SLC2A9: variants seen among roughly 807,000 people sequenced by gnomAD.
SLC2A9 encodes solute carrier family 2 member 9, also known as solute carrier family 2, facilitated glucose transporter member 9.
Under a neutral mutation model 50.6 loss-of-function variants are expected in SLC2A9, and 39 were observed. That is an observed-to-expected ratio of 0.77 (90% CI 0.60 to 1.01). The LOEUF (loss-of-function observed/expected upper bound fraction) is 1.01. Among genes scored for constraint, SLC2A9 ranks in the 50% least tolerant of loss-of-function variants. SLC2A9 has a pLI of 0.00. For synonymous variants in SLC2A9, 324 were observed against 276.9 expected, an observed-to-expected ratio of 1.17 and a Z score of -1.69; for missense variants, 686 against 677.6, an observed-to-expected ratio of 1.01 and a Z score of -0.14.
chr4:9,879,902 G>A, intron 10 of SLC2A9: 1 of 985,422 alleles, frequency 1.0e-6, no homozygotes. Context: ...GCAGGAAACT[G>A]CCTCTCTTGT....
chr4:9,933,009 G>A (rs909861602), intron 6 of SLC2A9, among the ~76,000 whole-genome samples: 3 of 152,198 alleles, frequency 2.0e-5, no homozygotes, highest in Admixed American at 6.5e-5. Context: ...CATCAGCCAC[G>A]TTAACGAGAG....
At chr4:9,839,670 T>A (rs1341896563) in intron 10 of SLC2A9, among the ~76,000 whole-genome samples, 1 of 152,186 alleles carries the variant, frequency 6.6e-6, no homozygotes, top group African/African-American at 2.4e-5. Flanking sequence ...GATCATGTCC[T>A]TTGCAGGGAC....
chr4:9,999,350 G>C (rs1340619410), intron 2 of SLC2A9, among the ~76,000 whole-genome samples: 1 of 152,126 alleles, frequency 6.6e-6, no homozygotes, highest in Non-Finnish European at 1.5e-5. Context: ...CCTGGATTGT[G>C]ACATGAGTGT....
chr4:9,893,310 G>A (rs1347415820), intron 8 of SLC2A9, among the ~76,000 whole-genome samples: 1 of 152,070 alleles, frequency 6.6e-6, no homozygotes. Context: ...CCCAGAGCCT[G>A]GAAGAATACC....
chr4:9,981,141 GT>G (rs1216002988), intron 4 of SLC2A9, among the ~76,000 whole-genome samples: 1 of 65,822 alleles, frequency 1.5e-5, no homozygotes, highest in East Asian at 4.8e-4. Flanking sequence ...GATGGCGATG[GT>G]GACGGTGATG....
chr4:9,822,368 T>C (rs1239449125), downstream of SLC2A9, among the ~76,000 whole-genome samples: 2 of 152,160 alleles, frequency 1.3e-5, no homozygotes, highest in African/African-American at 4.8e-5. Context: ...TTTTCTAGTT[T>C]CTTAAGGTGA....
intron 3 of SLC2A9, among the ~76,000 whole-genome samples, chr4:9,800,440 T>A (rs1462146412): frequency 6.6e-6 from 1 of 152,224 alleles, no homozygotes; most frequent in Non-Finnish European, 1.5e-5. Context: ...CAGGCATGTA[T>A]AGAAGATGAT....
upstream of SLC2A9, among the ~76,000 whole-genome samples, chr4:10,023,093 A>G (rs78377873): frequency 4.0e-3 from 604 of 152,356 alleles, 5 homozygotes; most frequent in African/African-American, 0.014. Flanking sequence ...TCCCCAGGAC[A>G]GTGTGGAGGA....
intron 5 of SLC2A9, among the ~76,000 whole-genome samples, chr4:9,975,019 C>A (rs1754555244): frequency 6.6e-6 from 1 of 152,122 alleles, no homozygotes; most frequent in African/African-American, 2.4e-5. Flanking sequence ...ACTTCCTATT[C>A]AATAAATGGT....
At chr4:9,980,956 C>A (rs1755647944) in intron 4 of SLC2A9, among the ~76,000 whole-genome samples, 1 of 151,806 alleles carries the variant, frequency 6.6e-6, no homozygotes, top group African/African-American at 2.4e-5. Flanking sequence ...GAGGACAGGA[C>A]ACAGCTGATG....
At chr4:9,871,505 G>A (rs1332696070) in intron 10 of SLC2A9, among the ~76,000 whole-genome samples, 1 of 152,156 alleles carries the variant, frequency 6.6e-6, no homozygotes, top group Non-Finnish European at 1.5e-5. Flanking sequence ...GATTCTAGAT[G>A]CATCGCTCGC....
intron 10 of SLC2A9, among the ~76,000 whole-genome samples, chr4:9,856,513 G>A (rs1027587893): frequency 6.6e-6 from 1 of 152,152 alleles, no homozygotes; most frequent in Non-Finnish European, 1.5e-5. Flanking sequence ...ATATACTGTT[G>A]GTGGGAATGT....
At chr4:9,782,478 G>T in intron 3 of SLC2A9, 2 of 1,613,946 alleles carry the variant, frequency 1.2e-6, no homozygotes, top group Non-Finnish European at 1.7e-6. Context: ...CGCTACAAGC[G>T]CAAGATGACT....
chr4:10,036,092 TC>T, intron 1 of SLC2A9: 1 of 187,802 alleles, frequency 5.3e-6, no homozygotes, highest in Non-Finnish European at 1.0e-5. Flanking sequence ...CCATAATAAA[TC>T]CCATCCATCC....
At chr4:9,908,398 C>G in intron 7 of SLC2A9, 53 bp from the exon 8 acceptor site, 4 of 1,318,434 alleles carry the variant, frequency 3.0e-6, no homozygotes, top group Non-Finnish European at 4.4e-6. Flanking sequence ...AGGACTTAAT[C>G]TATTTTCTAA....
chr4:9,800,009 C>T (rs1393951297), intron 3 of SLC2A9, among the ~76,000 whole-genome samples: 2 of 152,180 alleles, frequency 1.3e-5, no homozygotes, highest in Non-Finnish European at 2.9e-5. Flanking sequence ...ACATTAGTAA[C>T]ATCCCTTGGT....
chr4:9,798,070 T>G (rs1229892974), downstream of SLC2A9, among the ~76,000 whole-genome samples: 1 of 152,144 alleles, frequency 6.6e-6, no homozygotes, highest in Non-Finnish European at 1.5e-5. Context: ...TTATTTTTTA[T>G]TTTTGTCCCT....
chr4:10,017,610 T>C (rs958805648), intron 2 of SLC2A9, among the ~76,000 whole-genome samples: 1 of 152,234 alleles, frequency 6.6e-6, no homozygotes, highest in African/African-American at 2.4e-5. Flanking sequence ...CCAGGGCTCA[T>C]GGGAACCTTT....
chr4:9,790,671 T>G (rs1454080669), intron 3 of SLC2A9, among the ~76,000 whole-genome samples: 4 of 152,214 alleles, frequency 2.6e-5, no homozygotes, highest in Non-Finnish European at 4.4e-5. Flanking sequence ...TAAACCTGTC[T>G]GTCCTAGAAC....
Sources: allele counts gnomAD v4.1 joint callset (sites outside exome capture counted in the v4.1 genomes callset), GRCh38; gene constraint gnomAD v4.1.1; transcripts MANE v1.5; gene names NCBI Gene and HGNC (gene_info 2026-07-23, HGNC 2026-07-21).